The following LAMA4 variants were observed in gnomAD, a reference collection of about 807,000 sequenced individuals.
LAMA4 encodes the protein laminin subunit alpha 4.
A neutral mutation model predicts 207.1 loss-of-function variants in LAMA4; 127 were observed. That is an observed-to-expected ratio of 0.61 (90% CI 0.53 to 0.71). LAMA4 has a LOEUF of 0.71. Ranked by LOEUF, LAMA4 falls within the 30% of genes least tolerant of loss-of-function variation. LAMA4 has a pLI of 0.00. For missense variants in LAMA4, 2,093 were observed against 2,246.5 expected (o/e 0.93, Z 1.38); for synonymous variants, 761 against 816.0 (o/e 0.93, Z 1.15).
intron 7 of LAMA4, 76 bp from the exon 8 acceptor site, chr6:112,187,677 C>T: frequency 2.9e-6 from 4 of 1,397,048 alleles, no homozygotes; most frequent in Non-Finnish European, 4.0e-6. Context: ...GAACATAAAT[C>T]TCTATTTCCT....
chr6:112,134,640 T>A, intron 25 of LAMA4, 31 bp from the exon 26 acceptor site: 3 of 1,524,836 alleles, frequency 2.0e-6, no homozygotes, highest in Middle Eastern at 4.2e-4. Flanking sequence ...TAAGCCTTGA[T>A]TAACTATTTA....
At chr6:112,148,411 A>C in intron 17 of LAMA4, 75 bp from the exon 18 acceptor site, 1 of 1,486,384 alleles carries the variant, frequency 6.7e-7, no homozygotes, top group African/African-American at 1.4e-5. Flanking sequence ...CACCCCTTTA[A>C]CCCTTGAATG....
intron 2 of LAMA4, among the ~76,000 whole-genome samples, chr6:112,241,856 A>G (rs1786539557): frequency 1.3e-5 from 2 of 152,146 alleles, no homozygotes; most frequent in Admixed American, 1.3e-4. Context: ...CTGGAGGAAG[A>G]GCAATTGGCA....
intron 10 of LAMA4, among the ~76,000 whole-genome samples, chr6:112,175,934 T>C (rs1294415777): frequency 3.3e-5 from 5 of 152,232 alleles, no homozygotes; most frequent in Non-Finnish European, 7.3e-5. Context: ...AGATTATTAA[T>C]GTGTGGAGTT....
intron 27 of LAMA4, among the ~76,000 whole-genome samples, chr6:112,133,127 G>A (rs1340204748): frequency 1.3e-5 from 2 of 152,254 alleles, no homozygotes; most frequent in East Asian, 3.9e-4. Flanking sequence ...CCCTCTCTGG[G>A]TGTTAGATGC....
In LAMA4 at chr6:112,109,511, C is replaced by T. The variant is rs782385919; in HGVS notation, c.5398G>A (p.Gly1800Arg). ...TGCIRHFVIDGHPVSFSKAAL... is the reference protein window; with the variant it reads ...TGCIRHFVIDRHPVSFSKAAL... ...GCTTTACTGAAGCTCACTGGGTGTC[C>T]ATCAATCACAAAGTGGCGTATGCAG... Residue 1800 changes from glycine (G) to arginine (R), a missense_variant, in exon 39 of 39, where the codon GGA becomes AGA. This residue lies in a region of LAMA4 where 383 missense variants were observed against 437.8 expected (regional missense o/e 0.87). Transcript: ENST00000230538. 6.8e-6 allele frequency: 11 copies of T among 1,613,966 alleles called. No individual in the cohort carries two copies. The South Asian group carries it at 1.1e-4, about 16-fold the overall frequency.
At chr6:112,162,963 A>ATTTTTTTTTTTTTTT (rs1554338801) in intron 13 of LAMA4, among the ~76,000 whole-genome samples, 1 of 142,334 alleles carries the variant, frequency 7.0e-6, no homozygotes, top group African/African-American at 2.9e-5. Flanking sequence ...TGCAGCTCAA[A>ATTTTTTTTTTTTTTT]TCTTTTTTTT....
intron 38 of LAMA4, 96 bp downstream of exon 38, chr6:112,113,979 AG>A: frequency 1.5e-6 from 2 of 1,351,394 alleles, no homozygotes; most frequent in East Asian, 4.6e-5. Context: ...TTGAGTAACT[AG>A]GTGCATCATA....
At chr6:112,199,993 A>G (rs1000603375) in intron 5 of LAMA4, 72 of 451,112 alleles carry the variant, frequency 1.6e-4, no homozygotes, top group Non-Finnish European at 3.1e-4. Flanking sequence ...TTAGCTGCCT[A>G]AACACAATGG....
At chr6:112,246,520 C>CTT (rs11364561) in intron 2 of LAMA4, among the ~76,000 whole-genome samples, 7 of 127,834 alleles carry the variant, frequency 5.5e-5, no homozygotes, top group Admixed American at 7.7e-5. Context: ...ATCAAAGCTG[C>CTT]TTTTTTTTTT....
At chr6:112,174,551 T>A (rs896575178) in intron 11 of LAMA4, among the ~76,000 whole-genome samples, 1 of 152,314 alleles carries the variant, frequency 6.6e-6, no homozygotes, top group East Asian at 1.9e-4. Flanking sequence ...TGGAGTGCAG[T>A]GTGCAATCTT....
intron 9 of LAMA4, chr6:112,178,606 A>T (rs1371932049): frequency 3.5e-6 from 1 of 285,978 alleles, no homozygotes; most frequent in Non-Finnish European, 6.7e-6. Flanking sequence ...CCCAAAGTCC[A>T]TTGTATCATT....
chr6:112,151,716 G>A (rs1780416023), intron 16 of LAMA4, among the ~76,000 whole-genome samples: 1 of 151,870 alleles, frequency 6.6e-6, no homozygotes, highest in African/African-American at 2.4e-5. Flanking sequence ...GGTAATGTAG[G>A]GTGTCCTTGT....
At chr6:112,150,752 A>G (rs180919902) in intron 16 of LAMA4, 125 bp from the exon 17 acceptor site, 1 of 761,278 alleles carries the variant, frequency 1.3e-6, no homozygotes, top group African/African-American at 1.7e-5. Context: ...TATTCTGAAT[A>G]CTCTGAACAT....
intron 3 of LAMA4, among the ~76,000 whole-genome samples, chr6:112,212,252 C>A: frequency 6.9e-6 from 1 of 145,094 alleles, no homozygotes; most frequent in Non-Finnish European, 1.5e-5. Flanking sequence ...TTAACAGAGT[C>A]TTGCTCTGTT....
At chr6:112,223,881 G>A (rs1434791130) in intron 2 of LAMA4, among the ~76,000 whole-genome samples, 1 of 152,218 alleles carries the variant, frequency 6.6e-6, no homozygotes, top group Non-Finnish European at 1.5e-5. Context: ...ACTCTCAGCA[G>A]CTAATCCTGC....
At chr6:112,145,383 C>T (rs141639403) in intron 18 of LAMA4, among the ~76,000 whole-genome samples, 129 of 152,322 alleles carry the variant, frequency 8.5e-4, no homozygotes, top group African/African-American at 2.9e-3. Flanking sequence ...GAGAGAGTAA[C>T]GCTACTGACC....
chr6:112,138,955 A>G (rs1342540519), intron 24 of LAMA4, among the ~76,000 whole-genome samples, 165 bp downstream of exon 24: 2 of 152,160 alleles, frequency 1.3e-5, no homozygotes, highest in East Asian at 3.8e-4. Flanking sequence ...GCTTTTATTT[A>G]TTGCTGTCAT....
chr6:112,120,614 AT>A (rs1330489656), intron 32 of LAMA4, 142 bp from the exon 33 acceptor site: 3 of 679,922 alleles, frequency 4.4e-6, no homozygotes, highest in Non-Finnish European at 7.7e-6. Flanking sequence ...CACACTTAGT[AT>A]TATTAATGAA....
Sources: allele counts gnomAD v4.1 joint callset (sites outside exome capture counted in the v4.1 genomes callset), GRCh38; gene constraint gnomAD v4.1.1; regional missense constraint gnomAD v4.1.1; transcripts MANE v1.5; gene names NCBI Gene and HGNC (gene_info 2026-07-23, HGNC 2026-07-21).